The following PPP2R2B variants were observed in gnomAD, a reference collection of about 807,000 sequenced individuals.
PPP2R2B encodes the protein protein phosphatase 2 regulatory subunit Bbeta, also known as serine/threonine-protein phosphatase 2A 55 kDa regulatory subunit B beta isoform.
Under a neutral mutation model 46.0 loss-of-function variants are expected in PPP2R2B, and 5 were observed. The ratio of observed to expected loss-of-function variants is 0.11; its 90% CI spans 0.06 to 0.23. The LOEUF (loss-of-function observed/expected upper bound fraction) is 0.23, where lower values mean the gene tolerates loss of function less well. Among genes scored for constraint, PPP2R2B ranks in the 10% least tolerant of loss-of-function variants. PPP2R2B has a pLI of 1.00. For synonymous variants in PPP2R2B, 215 were observed against 206.7 expected, an observed-to-expected ratio of 1.04 and a Z score of -0.34; for missense variants, 367 against 575.0, an observed-to-expected ratio of 0.64 and a Z score of 3.70.
chr5:146,634,381 C>T lies in PPP2R2B; in HGVS notation c.790+3870G>A, dbSNP rs1426824865. Among the ~76,000 whole-genome samples, 4 of 152,102 alleles carry T rather than the reference C, an allele frequency of 2.6e-5. No homozygotes were observed. The South Asian group carries it at 8.3e-4, about 32-fold the overall frequency. ...ATAGAGTCTTGCTCTGTCGCCAAGGCTGGGGTGCAGTGGGGCAATCTCAGC... is the reference window on the plus strand; with the variant it reads ...ATAGAGTCTTGCTCTGTCGCCAAGGTTGGGGTGCAGTGGGGCAATCTCAGC... On this transcript the variant is annotated intron_variant, in intron 7 of 9. Transcript: ENST00000394411.
chr5:146,708,519 A>T (rs755878615), intron 2 of PPP2R2B, among the ~76,000 whole-genome samples: 1 of 152,136 alleles, frequency 6.6e-6, no homozygotes, highest in Non-Finnish European at 1.5e-5. Flanking sequence ...CACTATCATG[A>T]TATAGAACAA....
At chr5:146,752,363 T>C (rs1241638111) in intron 2 of PPP2R2B, among the ~76,000 whole-genome samples, 1 of 152,206 alleles carries the variant, frequency 6.6e-6, no homozygotes, top group Non-Finnish European at 1.5e-5. Flanking sequence ...CAGGTCTCCA[T>C]CGAATGTCTT....
intron 2 of PPP2R2B, among the ~76,000 whole-genome samples, chr5:146,733,795 C>A (rs1752372642): frequency 6.6e-6 from 1 of 152,116 alleles, no homozygotes; most frequent in Non-Finnish European, 1.5e-5. Context: ...CTTACCAGGA[C>A]CCTACTCAAG....
chr5:146,950,910 A>G (rs1383814024), intron 1 of PPP2R2B, among the ~76,000 whole-genome samples: 1 of 152,036 alleles, frequency 6.6e-6, no homozygotes, highest in Admixed American at 6.6e-5. Flanking sequence ...AGTGCCAAAA[A>G]TTTTCGGCAA....
At chr5:146,728,935 T>C (rs894073525) in intron 2 of PPP2R2B, among the ~76,000 whole-genome samples, 41 of 152,064 alleles carry the variant, frequency 2.7e-4, no homozygotes, top group African/African-American at 9.2e-4. Flanking sequence ...ATACAGCAAA[T>C]TGGTACCAGG....
chr5:146,963,440 C>T (rs1020182588), intron 1 of PPP2R2B, among the ~76,000 whole-genome samples: 4 of 152,190 alleles, frequency 2.6e-5, no homozygotes, highest in African/African-American at 7.2e-5. Flanking sequence ...TGCCTCACCA[C>T]TCACTGGCTC....
intron 2 of PPP2R2B, among the ~76,000 whole-genome samples, chr5:147,066,035 A>T (rs1757406084): frequency 6.6e-6 from 1 of 152,150 alleles, no homozygotes; most frequent in Non-Finnish European, 1.5e-5. Flanking sequence ...AATCAAACCC[A>T]ACAGACTGAC....
At chr5:147,021,154 CT>C (rs1425815023) in intron 1 of PPP2R2B, among the ~76,000 whole-genome samples, 1 of 152,138 alleles carries the variant, frequency 6.6e-6, no homozygotes, top group Non-Finnish European at 1.5e-5. Flanking sequence ...AAAGACATCC[CT>C]ATTTTTGAAT....
At chr5:146,690,578 G>T (rs1778788598) in intron 5 of PPP2R2B, among the ~76,000 whole-genome samples, 1 of 152,186 alleles carries the variant, frequency 6.6e-6, no homozygotes, top group Admixed American at 6.5e-5. Flanking sequence ...ATAGAGGAAG[G>T]GTTTTCCATC....
At chr5:146,766,264 A>T (rs572260195) in intron 2 of PPP2R2B, among the ~76,000 whole-genome samples, 1 of 152,316 alleles carries the variant, frequency 6.6e-6, no homozygotes, top group African/African-American at 2.4e-5. Flanking sequence ...CTTCCCACAA[A>T]AATTTATTCC....
At chr5:146,958,368 T>A (rs1454423978) in intron 1 of PPP2R2B, among the ~76,000 whole-genome samples, 1 of 152,176 alleles carries the variant, frequency 6.6e-6, no homozygotes, top group African/African-American at 2.4e-5. Flanking sequence ...ATATCACTAG[T>A]AGATCTGCCT....
chr5:146,973,342 C>T (rs1241163788), intron 1 of PPP2R2B, among the ~76,000 whole-genome samples: 1 of 152,206 alleles, frequency 6.6e-6, no homozygotes, highest in Non-Finnish European at 1.5e-5. Context: ...ACAACATAAA[C>T]TCTCATATTT....
chr5:146,622,105 T>C (rs570699970), intron 7 of PPP2R2B, among the ~76,000 whole-genome samples: 2 of 152,318 alleles, frequency 1.3e-5, no homozygotes, highest in Non-Finnish European at 2.9e-5. Flanking sequence ...GAGGCAAAGA[T>C]GGGAAGTGTT....
chr5:146,712,415 A>C (rs900370136), intron 2 of PPP2R2B, among the ~76,000 whole-genome samples: 4 of 152,218 alleles, frequency 2.6e-5, no homozygotes, highest in Non-Finnish European at 5.9e-5. Flanking sequence ...GTTGATTTTC[A>C]TCAGCAGCAG....
chr5:146,994,050 G>A (rs1234266348), intron 1 of PPP2R2B, among the ~76,000 whole-genome samples: 1 of 152,074 alleles, frequency 6.6e-6, no homozygotes, highest in Non-Finnish European at 1.5e-5. Context: ...GCTTCTTAAG[G>A]TCAAGGCAGA....
chr5:146,995,526 G>A (rs1753886418), intron 1 of PPP2R2B, among the ~76,000 whole-genome samples: 1 of 152,150 alleles, frequency 6.6e-6, no homozygotes, highest in Non-Finnish European at 1.5e-5. Flanking sequence ...GTTCTCTGAA[G>A]CAAATAGTAA....
intron 2 of PPP2R2B, among the ~76,000 whole-genome samples, chr5:146,757,465 A>G (rs959581456): frequency 8.0e-4 from 122 of 152,190 alleles, no homozygotes; most frequent in African/African-American, 2.5e-3. Context: ...GCAGAGAACT[A>G]CAACTGCTTT....
intron 1 of PPP2R2B, among the ~76,000 whole-genome samples, chr5:146,892,774 CA>C (rs1348076777): frequency 6.6e-6 from 1 of 152,162 alleles, no homozygotes; most frequent in Admixed American, 6.5e-5. Flanking sequence ...TTCCAATGCA[CA>C]TGTAAAACTT....
At chr5:146,896,669 TA>T (rs1194783233) in intron 1 of PPP2R2B, among the ~76,000 whole-genome samples, 1 of 152,128 alleles carries the variant, frequency 6.6e-6, no homozygotes, top group Non-Finnish European at 1.5e-5. Flanking sequence ...TTTAATTTTT[TA>T]AGCCCATTTC....
Sources: gnomAD v4.1 joint callset for allele counts (sites outside exome capture counted in the v4.1 genomes callset) on GRCh38, gnomAD v4.1.1 for gene constraint, MANE v1.5 for transcripts, NCBI Gene and HGNC (gene_info 2026-07-23, HGNC 2026-07-21) for gene names.